The following LAMB3 variants were observed in gnomAD, a reference collection of about 807,000 sequenced individuals.
The protein encoded by LAMB3 is laminin subunit beta-3.
Under a neutral mutation model 140.3 loss-of-function variants are expected in LAMB3, and 104 were observed. That is an observed-to-expected ratio of 0.74 (90% confidence interval 0.63 to 0.87). The LOEUF is 0.87. LAMB3 is among the 40% of genes least tolerant of loss of function. LAMB3 has a pLI of 0.00. For synonymous variants in LAMB3, 592 were observed against 602.9 expected (o/e 0.98, Z 0.26); for missense variants, 1,531 against 1,575.2 (o/e 0.97, Z 0.47).
Position 209,617,485 on chromosome 1 carries a change from C to T in LAMB3, c.3153G>A (p.Arg1051=). 2 of 1,613,924 alleles carry T rather than the reference C, an allele frequency of 1.2e-6. No homozygotes were observed. Among genetic ancestry groups the T allele is most frequent in the Non-Finnish European group, 1.7e-6 (2 of 1,180,044 alleles). Residue 1051 remains arginine (R), a synonymous_variant, in exon 21 of 23, where the codon CGG becomes CGA. Transcript: ENST00000356082. ...TRMEELRHQA[R]QQGAEAVQAQ... is the part of the protein sequence containing the mutation. ...CCTGGACTGCCTCTGCCCCCTGCTG[C>T]CGGGCTTGGTGGCGGAGCTCCTCCA...
At chr1:209,635,929 T>G (rs2282734) in intron 5 of LAMB3, among the ~76,000 whole-genome samples, 4,830 of 152,174 alleles carry the variant, frequency 0.032, 228 homozygotes, top group East Asian at 0.24. Context: ...ACCAAGCTCA[T>G]TCCCTCCTCA....
At chr1:209,630,056 A>C (rs1666623664) in intron 9 of LAMB3, 131 bp from the exon 10 acceptor site, 1 of 827,796 alleles carries the variant, frequency 1.2e-6, no homozygotes, top group African/African-American at 1.7e-5. Flanking sequence ...GGGGAAACTG[A>C]GGGCAAGGGA....
Position 209,624,091 on chromosome 1 carries a change from A to G in LAMB3, c.1977-91T>C, listed in dbSNP as rs1293050208. On this transcript the variant is annotated intron_variant, in intron 14 of 22. Coordinates refer to ENST00000356082, the MANE Select transcript of LAMB3 (RefSeq NM_000228.3). ...CCCTCAGAGCAACTGCTACTGAGTC[A>G]GAACAAACAGAGACCTTGGGCAAAG... 52 of 1,125,936 alleles carry G rather than the reference A, an allele frequency of 4.6e-5. No homozygotes were observed. The East Asian group carries it at 1.2e-3, about 26-fold the overall frequency. 69.7% of individuals were successfully genotyped at this position (1,125,936 alleles called of 1,614,324 possible). A position where few individuals can be genotyped will look rare whatever the true frequency, so the allele number is the denominator to read the frequency against.
chr1:209,625,838 C>G lies in LAMB3; in HGVS notation c.1786G>C (p.Ala596Pro). 3.7e-6 allele frequency: 6 copies of G among 1,614,108 alleles called. No individual in the cohort carries two copies. Among genetic ancestry groups the G allele is most frequent in the Non-Finnish European group, 3.4e-6 (4 of 1,180,006 alleles). ...TTGCGGAGTCTACCAAAGCGCAGGG[C>G]CTGCTCCCGGAGGTCCGCATCATAG... is the stretch of plus-strand genomic sequence containing the variant. The part of the protein sequence containing the change: ...QTYDADLREQ[A>P]LRFGRLRNAT... Residue 596 changes from alanine (A) to proline (P), a missense_variant, in exon 14 of 23, where the codon GCC (alanine) becomes CCC (proline). Coordinates refer to ENST00000356082, the MANE Select transcript of LAMB3 (RefSeq NM_000228.3).
At position 209,623,089 on chromosome 1, in the gene LAMB3, G is replaced by A. The variant is rs1455380874; in HGVS notation, c.2449C>T (p.Arg817Cys). ...PQDNGTACGS[R>C]CRGVLPRAGG... is the part of the protein sequence containing the mutation. Reference sequence around the variant, plus strand: ...GCCCTGGGAAGGACACCCCTGCAGCGGGAGCCACAGGCTGTGCCATTGTCT... The same window carrying A: ...GCCCTGGGAAGGACACCCCTGCAGCAGGAGCCACAGGCTGTGCCATTGTCT... Residue 817 changes from arginine (R) to cysteine (C), a missense_variant, in exon 17 of 23, where the codon CGC (arginine) becomes TGC (cysteine). By Grantham distance (180) the Arg-to-Cys change is radical. Coordinates refer to ENST00000356082, the MANE Select transcript of LAMB3 (RefSeq NM_000228.3). This position sits in a 1 kb window ranked among gnomAD's most constrained non-coding sequence, Gnocchi z 4.2. 10 of 1,614,182 alleles carry A rather than the reference G, an allele frequency of 6.2e-6. No individual in the cohort carries two copies. In the East Asian group the frequency reaches 6.7e-5, roughly 11 times the overall value.
chr1:209,626,178 G>A, intron 13 of LAMB3, 152 bp from the exon 14 acceptor site: 1 of 865,554 alleles, frequency 1.2e-6, no homozygotes, highest in Non-Finnish European at 1.7e-6. Flanking sequence ...CATGGTAACA[G>A]CTGCAGTGAA....
At chr1:209,627,255 C>T (rs989830176) in intron 12 of LAMB3, 128 bp downstream of exon 12, 49 of 790,150 alleles carry the variant, frequency 6.2e-5, no homozygotes, top group Middle Eastern at 3.6e-4. Context: ...CAAATGAGAA[C>T]GGGGACAGAA....
chr1:209,624,052 C>T (rs1666326164), intron 14 of LAMB3, 52 bp from the exon 15 acceptor site: 1 of 1,534,082 alleles, frequency 6.5e-7, no homozygotes, highest in Non-Finnish European at 8.9e-7. Context: ...TTTTGCCTCC[C>T]CAAAGCAGCT....
chr1:209,638,058 C>G, intron 4 of LAMB3, 77 bp from the exon 5 acceptor site: 1 of 1,214,728 alleles, frequency 8.2e-7, no homozygotes, highest in South Asian at 1.3e-5. Flanking sequence ...CTGGATTAGA[C>G]TAGCTCTAGG....
intron 3 of LAMB3, among the ~76,000 whole-genome samples, chr1:209,642,042 C>G (rs2076473486): frequency 6.6e-6 from 1 of 152,194 alleles, no homozygotes; most frequent in Non-Finnish European, 1.5e-5. Flanking sequence ...AAACAAGCCT[C>G]TTTCTTTCCC....
intron 3 of LAMB3, among the ~76,000 whole-genome samples, 194 bp from the exon 4 acceptor site, chr1:209,638,842 C>A (rs541008370): frequency 6.6e-6 from 1 of 152,008 alleles, no homozygotes; most frequent in Non-Finnish European, 1.5e-5. Context: ...TCTTTTAATT[C>A]CTTGGTGCCC....
chr1:209,635,548 G>T (rs1481863334), intron 5 of LAMB3, among the ~76,000 whole-genome samples: 2 of 152,034 alleles, frequency 1.3e-5, no homozygotes, highest in Non-Finnish European at 2.9e-5. Context: ...AATTACAGGC[G>T]CACACCACCA....
intron 20 of LAMB3, 86 bp downstream of exon 20, chr1:209,617,821 A>G: frequency 1.3e-6 from 2 of 1,538,094 alleles, no homozygotes; most frequent in Non-Finnish European, 9.0e-7. Context: ...GGTTTTATCT[A>G]GTCACTTTCT....
In LAMB3 at chr1:209,623,248, G is replaced by A; in HGVS notation, c.2359-69C>T. ...CAATAACCAATCCCACCCCACACCT[G>A]GGAAACCAACAGCCAGACATCTCCA... On this transcript the variant is annotated intron_variant, in intron 16 of 22. Transcript: ENST00000356082. The surrounding 1 kb of genome is among the most constrained non-coding windows in gnomAD (Gnocchi z 4.2). 1 of 1,495,838 alleles carries A rather than the reference G, an allele frequency of 6.7e-7. No individual in the cohort carries two copies. Among genetic ancestry groups the A allele is most frequent in the Admixed American group, 1.8e-5 (1 of 56,492 alleles). 92.7% of individuals were successfully genotyped at this position (1,495,838 alleles called of 1,614,324 possible).
chr1:209,630,409 C>G lies in LAMB3; in HGVS notation c.943+206G>C, dbSNP rs116466280. 2,987 of 624,724 alleles carry G rather than the reference C, an allele frequency of 4.8e-3. 13 individuals are homozygous for G. Among genetic ancestry groups the G allele is most frequent in the Non-Finnish European group, 6.6e-3 (2,389 of 360,310 alleles). The allele number at this position is 624,724 out of a possible 1,614,324, so 38.7% of individuals were successfully genotyped here. A position where few individuals can be genotyped will look rare whatever the true frequency, so the allele number is the denominator to read the frequency against. ...CTGGAGAGGCCAGAAGAAGCAGGCTCTAGCTGGGGACAGTGGGAGGATGTC... is the reference window on the plus strand; with the variant it reads ...CTGGAGAGGCCAGAAGAAGCAGGCTGTAGCTGGGGACAGTGGGAGGATGTC... On this transcript the variant is annotated intron_variant, in intron 9 of 22. Transcript: ENST00000356082.
At position 209,615,449 on chromosome 1, in the gene LAMB3, G is replaced by A. The variant is rs528353154; in HGVS notation, c.3383-42C>T. 4 of 1,558,172 alleles carry A rather than the reference G, an allele frequency of 2.6e-6. No individual in the cohort carries two copies. The African/African-American group carries it at 4.0e-5, about 16-fold the overall frequency. Reference sequence around the variant, plus strand: ...AGCAGCAGGAGGAGGAGTTGATGGTGAGACTCCCCAAGACTCCCAACCCTT... The same window carrying A: ...AGCAGCAGGAGGAGGAGTTGATGGTAAGACTCCCCAAGACTCCCAACCCTT... On this transcript the variant is annotated intron_variant, in intron 22 of 22. Transcript: ENST00000356082.
chr1:209,642,581 C>T (rs945781216), intron 3 of LAMB3, among the ~76,000 whole-genome samples: 3 of 152,184 alleles, frequency 2.0e-5, no homozygotes, highest in East Asian at 1.9e-4. Flanking sequence ...CAGGCTCAAG[C>T]GATTCTCCCG....
rs149420629 is a variant in LAMB3 at position 209,630,696 on chromosome 1, G to A, written c.862C>T (p.Pro288Ser). ...AAGGGTGCACAGCGCTCACAATTTG[G>A]GCCGGCAGTGTTGTGCTGGCAGACA... ...VCVCQHNTAG[P>S]NCERCAPFYN... Residue 288 changes from proline (P) to serine (S), a missense_variant, in exon 9 of 23, where the codon CCA (proline) becomes TCA (serine). Transcript: ENST00000356082. 2.7e-5 allele frequency: 43 copies of A among 1,613,908 alleles called. No individual in the cohort carries two copies. In the Middle Eastern group the frequency reaches 1.2e-3, roughly 43 times the overall value.
chr1:209,617,673 A>G (rs1220857438), intron 20 of LAMB3, 87 bp from the exon 21 acceptor site: 1 of 1,493,516 alleles, frequency 6.7e-7, no homozygotes, highest in Non-Finnish European at 9.2e-7. Flanking sequence ...CTCATCAGGC[A>G]GCAAAAACCC....
Sources: allele counts gnomAD v4.1 joint callset (sites outside exome capture counted in the v4.1 genomes callset), GRCh38; gene constraint gnomAD v4.1.1; non-coding constraint Gnocchi (gnomAD v3.1); transcripts MANE v1.5; gene names NCBI Gene and HGNC (gene_info 2026-07-23, HGNC 2026-07-21).